Variants in NTM observed in about 807,000 individuals in gnomAD.
NTM encodes IgLON family member 2.
Under a neutral mutation model 42.1 loss-of-function variants are expected in NTM, and 13 were observed. The observed-to-expected ratio is 0.31, with a 90% CI of 0.20 to 0.49. NTM has a LOEUF of 0.49. Among genes scored for constraint, NTM ranks in the 20% least tolerant of loss-of-function variants. The pLI is 0.99. For synonymous variants in NTM, 187 were observed against 179.2 expected, an observed-to-expected ratio of 1.04 and a Z score of -0.35; for missense variants, 373 against 452.8, an observed-to-expected ratio of 0.82 and a Z score of 1.60.
At chr11:131,877,421 A>T (rs758085841) in intron 1 of NTM, among the ~76,000 whole-genome samples, 1 of 152,172 alleles carries the variant, frequency 6.6e-6, no homozygotes, top group Non-Finnish European at 1.5e-5. Context: ...AGAATTCCTG[A>T]CTTCAAAAGA....
chr11:132,101,318 C>CTAGAA (rs1438857355), intron 2 of NTM, among the ~76,000 whole-genome samples: 3 of 152,140 alleles, frequency 2.0e-5, no homozygotes, highest in Admixed American at 2.0e-4. Flanking sequence ...AGGTGGCATC[C>CTAGAA]ACCTGTGACA....
intron 1 of NTM, among the ~76,000 whole-genome samples, chr11:131,551,197 T>A (rs2054615174): frequency 6.6e-6 from 1 of 152,164 alleles, no homozygotes; most frequent in Non-Finnish European, 1.5e-5. Context: ...TGCACTCTAC[T>A]TTGTACCATT....
intron 4 of NTM, among the ~76,000 whole-genome samples, chr11:132,219,847 A>G (rs2084768475): frequency 6.6e-6 from 1 of 152,192 alleles, no homozygotes; most frequent in African/African-American, 2.4e-5. Context: ...TGAGAAAAGA[A>G]CGGAAGGGAA....
intron 7 of NTM, among the ~76,000 whole-genome samples, chr11:132,327,581 C>T (rs971910959): frequency 1.3e-5 from 2 of 152,192 alleles, no homozygotes; most frequent in African/African-American, 4.8e-5. Context: ...TATCCGTCTT[C>T]ACATGAAACC....
At chr11:131,666,597 C>T (rs974244558) in intron 1 of NTM, among the ~76,000 whole-genome samples, 2 of 152,172 alleles carry the variant, frequency 1.3e-5, no homozygotes, top group African/African-American at 4.8e-5. Flanking sequence ...TTTCTGACAT[C>T]CTGAGATGGG....
At chr11:131,516,171 C>T (rs188275660) in intron 1 of NTM, among the ~76,000 whole-genome samples, 181 of 152,310 alleles carry the variant, frequency 1.2e-3, no homozygotes, top group African/African-American at 4.1e-3. Flanking sequence ...TTTAATTTCT[C>T]AAAGTGCTTT....
At chr11:131,374,735 C>T (rs1054367801) in intron 1 of NTM, among the ~76,000 whole-genome samples, 2 of 152,120 alleles carry the variant, frequency 1.3e-5, no homozygotes, top group Non-Finnish European at 2.9e-5. Context: ...TTGATTTTAG[C>T]CAAAACTTGT....
At chr11:131,371,033 T>C in intron 1 of NTM, 145 bp downstream of exon 1, 2 of 1,469,836 alleles carry the variant, frequency 1.4e-6, no homozygotes, top group Non-Finnish European at 1.8e-6. Flanking sequence ...TGGGACTTCA[T>C]TCTCCCGACT....
intron 1 of NTM, among the ~76,000 whole-genome samples, chr11:131,456,655 A>G (rs182032655): frequency 5.6e-4 from 86 of 152,296 alleles, no homozygotes; most frequent in Admixed American, 3.8e-3. Context: ...CCTTGATATC[A>G]TGAATAATGT....
chr11:131,888,520 A>G (rs1456996971), intron 1 of NTM, among the ~76,000 whole-genome samples: 3 of 152,086 alleles, frequency 2.0e-5, no homozygotes, highest in Non-Finnish European at 4.4e-5. Context: ...CCTTCAGGTC[A>G]AAGGTCACTG....
chr11:132,021,488 C>T (rs539904305), intron 2 of NTM, among the ~76,000 whole-genome samples: 1 of 152,164 alleles, frequency 6.6e-6, no homozygotes, highest in Non-Finnish European at 1.5e-5. Context: ...TATATTTTAG[C>T]AAATATTCCT....
At chr11:131,383,096 AT>A (rs1457629612) in intron 1 of NTM, among the ~76,000 whole-genome samples, 1 of 152,142 alleles carries the variant, frequency 6.6e-6, no homozygotes, top group Non-Finnish European at 1.5e-5. Flanking sequence ...CATTGAGATT[AT>A]TTTTCGATCC....
intron 3 of NTM, among the ~76,000 whole-genome samples, chr11:132,208,343 G>T (rs2082302482): frequency 6.6e-6 from 1 of 152,136 alleles, no homozygotes; most frequent in African/African-American, 2.4e-5. Flanking sequence ...TGATAATTGG[G>T]ATTGCTCCCC....
chr11:131,989,525 A>G lies in NTM; in HGVS notation c.167+77877A>G, dbSNP rs561537462. On this transcript the variant is annotated intron_variant, in intron 2 of 8. Transcript: ENST00000683400. ...TGTACTAAATGTTAGCCTAATAACT[A>G]TGGGCTTTTGGTATGTTGTTTAGAG... Among the ~76,000 whole-genome samples, 21 of 152,316 alleles carry G rather than the reference A, an allele frequency of 1.4e-4. No homozygotes were observed. The South Asian group carries it at 2.1e-3, about 15-fold the overall frequency.
chr11:131,924,687 T>C (rs1592908022), intron 2 of NTM, among the ~76,000 whole-genome samples: 1 of 152,198 alleles, frequency 6.6e-6, no homozygotes, highest in Non-Finnish European at 1.5e-5. Flanking sequence ...AATTCTTGAA[T>C]GACAGCACAG....
At position 131,404,410 on chromosome 11, in the gene NTM, AC is replaced by A. The variant is rs1945588069; in HGVS notation, c.82+33525del. ...CCTGGCTTTCTTCTTACCTCACTAA[AC>A]CCTACTCTGTTTCTTTTGTTTCCAT... is the stretch of plus-strand genomic sequence containing the variant. On this transcript the variant is annotated intron_variant, in intron 1 of 8. Transcript: ENST00000683400. Among the ~76,000 whole-genome samples the A allele has an allele frequency of 2.7e-5, 4 of 150,684 alleles. No homozygotes were observed. The East Asian group carries it at 7.9e-4, about 30-fold the overall frequency.
chr11:132,126,675 A>G (rs993726079), intron 2 of NTM, among the ~76,000 whole-genome samples: 1 of 152,186 alleles, frequency 6.6e-6, no homozygotes, highest in Non-Finnish European at 1.5e-5. Context: ...AAAAGGAGAA[A>G]GAGGGCAAGA....
intron 1 of NTM, among the ~76,000 whole-genome samples, chr11:131,868,114 G>A (rs575936060): frequency 1.3e-5 from 2 of 152,294 alleles, no homozygotes; most frequent in Admixed American, 1.3e-4. Flanking sequence ...TGGGAGATAA[G>A]GGTCCCCCTG....
At chr11:132,058,522 C>T (rs1594204400) in intron 2 of NTM, among the ~76,000 whole-genome samples, 1 of 152,312 alleles carries the variant, frequency 6.6e-6, no homozygotes, top group African/African-American at 2.4e-5. Context: ...TTGCTTCCAA[C>T]CATCTCGAGA....
Sources: gnomAD v4.1 joint callset for allele counts (sites outside exome capture counted in the v4.1 genomes callset) on GRCh38, gnomAD v4.1.1 for gene constraint, MANE v1.5 for transcripts, NCBI Gene and HGNC (gene_info 2026-07-23, HGNC 2026-07-21) for gene names.